The following PCDH8 variants were observed in gnomAD, a reference collection of about 807,000 sequenced individuals.
PCDH8 encodes protocadherin-8.
In PCDH8, 36 loss-of-function variants were observed where a neutral mutation model predicts 58.2. That is an observed-to-expected ratio of 0.62 (90% CI 0.47 to 0.82). PCDH8 has a LOEUF of 0.82. Ranked by LOEUF, PCDH8 falls within the 40% of genes least tolerant of loss-of-function variation. The probability of loss-of-function intolerance (pLI) is 0.00; values close to 1 mark genes in which losing one functional copy is unlikely to be tolerated. For missense variants in PCDH8, 1,493 were observed against 1,567.8 expected (o/e 0.95, Z 0.81); for synonymous variants, 775 against 728.9 (o/e 1.06, Z -1.02).
In PCDH8 at chr13:52,844,158, TA is replaced by T; in HGVS notation, c.*401del. On this transcript the variant is annotated 3_prime_UTR_variant, in exon 3 of 3. Coordinates refer to ENST00000377942, the MANE Select transcript of PCDH8 (RefSeq NM_002590.4). ...TTTCAGGTGAAAGATAAATTTCAAT[TA>T]AGTAATTCCAACATGTTTTGTTTTT... is the stretch of plus-strand genomic sequence containing the variant. 6.5e-6 allele frequency: 1 copy of T among 153,424 alleles called. No individual in the cohort carries two copies. Among genetic ancestry groups the T allele is most frequent in the East Asian group, 1.9e-4 (1 of 5,212 alleles). 9.5% of individuals were successfully genotyped at this position (153,424 alleles called of 1,614,324 possible). A position where few individuals can be genotyped will look rare whatever the true frequency, so the allele number is the denominator to read the frequency against.
chr13:52,845,729 C>T, intron 1 of PCDH8, 77 bp downstream of exon 1: 2 of 1,520,332 alleles, frequency 1.3e-6, no homozygotes, highest in Non-Finnish European at 1.8e-6. Context: ...ATGCACCCAC[C>T]CTACCCCTCC....
Position 52,847,811 on chromosome 13 carries a change from G to C in PCDH8, c.626C>G (p.Ala209Gly). The C allele has an allele frequency of 6.7e-7, 1 of 1,485,766 alleles. No individual in the cohort carries two copies. Among genetic ancestry groups the C allele is most frequent in the East Asian group, 2.5e-5 (1 of 39,504 alleles). 92.0% of individuals were successfully genotyped at this position (1,485,766 alleles called of 1,614,324 possible). A position where few individuals can be genotyped will look rare whatever the true frequency, so the allele number is the denominator to read the frequency against. The change falls in exon 1 of 3, where the codon GCC (alanine) becomes GGC (glycine). Residue 209 changes from alanine (A) to glycine (G), a missense_variant. Coordinates refer to ENST00000377942, the MANE Select transcript of PCDH8 (RefSeq NM_002590.4). ...GGCCACCAGCTCCAGGCTGTAGGCG[G>C]CCTGGCTCTCGCGGTCCAGCTCCTG... Reference protein sequence around the residue: ...LLQELDRESQAAYSLELVAQD... With the variant: ...LLQELDRESQGAYSLELVAQD...
Position 52,844,892 on chromosome 13 carries a change from A to G in PCDH8, c.2881T>C (p.Ser961Pro), listed in dbSNP as rs1489861744. 1 of 1,570,058 alleles carries G rather than the reference A, an allele frequency of 6.4e-7. No homozygotes were observed. The highest frequency in any genetic ancestry group is 1.3e-5 in the African/African-American group (1 of 74,098). ...CTAECKILGH[S>P]DRCWSPSCSG... ...CAGGATGGGCTCCAGCAGCGGTCAG[A>G]GTGGCCCAGGATCTTACACTCAGCG... is the stretch of plus-strand genomic sequence containing the variant. Residue 961 changes from serine (S) to proline (P), a missense_variant, in exon 3 of 3, where the codon TCT (serine) becomes CCT (proline). Ser to Pro is a moderately conservative substitution (Grantham distance 74). Transcript: ENST00000377942.
chr13:52,846,085 C>G lies in PCDH8; in HGVS notation c.2352G>C (p.Gly784=). 1.3e-6 allele frequency: 2 copies of G among 1,571,318 alleles called. No homozygotes were observed. The highest frequency in any genetic ancestry group is 1.7e-6 in the Non-Finnish European group (2 of 1,167,392). ...CNRRKKEVRK[G]GALREERPGA... ...CGGGCCGCTCTTCCCGGAGGGCCCC[C>G]CCTTTGCGCACCTCCTTCTTGCGGC... Residue 784 remains glycine, a synonymous_variant, in exon 1 of 3, where the codon GGG becomes GGC. Coordinates refer to ENST00000377942, the MANE Select transcript of PCDH8 (RefSeq NM_002590.4).
In PCDH8 at chr13:52,846,273, C is replaced by A; in HGVS notation, c.2164G>T (p.Ala722Ser). ...AGGGRGPAAP[A>S]SAGSPERSRP... ...GAACGCTCCGGGCTTCCTGCACTGG[C>A]AGGCGCAGCCGGCCCACGCCCGCCC... The change falls in exon 1 of 3, where the codon GCC becomes TCC. Residue 722 changes from alanine (A) to serine (S), a missense_variant. Physicochemically the swap from Ala to Ser is moderately conservative, Grantham distance 99 (BLOSUM62 1). Around this residue, in one of 3 missense-constraint regions of PCDH8, gnomAD observed 1,307 missense variants for 1,362.7 expected, o/e 0.96. Coordinates refer to ENST00000377942, the MANE Select transcript of PCDH8 (RefSeq NM_002590.4). 6.3e-7 allele frequency: 1 copy of A among 1,578,224 alleles called. No individual in the cohort carries two copies. The highest frequency in any genetic ancestry group is 8.6e-7 in the Non-Finnish European group (1 of 1,168,096).
rs984931630 is a variant in PCDH8, at chr13:52,848,274, T to A, written c.163A>T (p.Met55Leu). The change falls in exon 1 of 3, where the codon ATG (methionine) becomes TTG (leucine). Residue 55 changes from methionine to leucine, a missense_variant. Met to Leu is a conservative substitution (Grantham distance 15, BLOSUM62 2). Around this residue, in one of 3 missense-constraint regions of PCDH8, gnomAD observed 1,307 missense variants for 1,362.7 expected, o/e 0.96. Coordinates refer to ENST00000377942, the MANE Select transcript of PCDH8 (RefSeq NM_002590.4). ...VIGTLAEDLHMKVSGDTSFRL... is the reference protein window; with the variant it reads ...VIGTLAEDLHLKVSGDTSFRL... Reference sequence around the variant, plus strand: ...AAGCTTGTGTCACCCGATACTTTCATATGCAGGTCCTCGGCCAGGGTCCCG... The same window carrying A: ...AAGCTTGTGTCACCCGATACTTTCAAATGCAGGTCCTCGGCCAGGGTCCCG... The A allele has an allele frequency of 6.2e-7, 1 of 1,613,530 alleles. No individual in the cohort carries two copies.
At position 52,845,453 on chromosome 13, in the gene PCDH8, T is replaced by C. The variant is rs766082374; in HGVS notation, c.2811A>G (p.Lys937=). The C allele has an allele frequency of 1.2e-6, 2 of 1,614,186 alleles. No homozygotes were observed. Among genetic ancestry groups the C allele is most frequent in the Non-Finnish European group, 1.7e-6 (2 of 1,180,032 alleles). Residue 937 remains lysine, a synonymous_variant, in exon 2 of 3, where the codon AAA becomes AAG. Transcript: ENST00000377942. ...SDSDISGDAL[K]KDLINHMQSG... ...TCTGCATGTGGTTGATGAGATCCTTTTTCAGAGCGTCCCCGCTGATGTCGG... is the reference window on the plus strand; with the variant it reads ...TCTGCATGTGGTTGATGAGATCCTTCTTCAGAGCGTCCCCGCTGATGTCGG...
Position 52,846,331 on chromosome 13 carries a change from G to A in PCDH8, c.2106C>T (p.Thr702=). ...TTACCACGAAGCTGACAGTTGCGGT[G>A]GTGGTGAGCGGGGGACGGCCGCCGT... ...ISDGGRPPLT[T]TATVSFVVTA... The change falls in exon 1 of 3, where the codon ACC becomes ACT. Residue 702 remains threonine (T), a synonymous_variant. Coordinates refer to ENST00000377942, the MANE Select transcript of PCDH8 (RefSeq NM_002590.4). 2 of 1,566,894 alleles carry A rather than the reference G, an allele frequency of 1.3e-6. No individual in the cohort carries two copies. The highest frequency in any genetic ancestry group is 1.7e-6 in the Non-Finnish European group (2 of 1,157,806).
rs762907272 is a variant in PCDH8, at chr13:52,846,118, G to A, written c.2319C>T (p.Thr773=). Residue 773 remains threonine, a synonymous_variant, in exon 1 of 3, where the codon ACC becomes ACT. Coordinates refer to ENST00000377942, the MANE Select transcript of PCDH8 (RefSeq NM_002590.4). ...GCACCTCCTTCTTGCGGCGGTTGCAGGTGGTGGCGATGGCGATGATGGCGG... is the reference window on the plus strand; with the variant it reads ...GCACCTCCTTCTTGCGGCGGTTGCAAGTGGTGGCGATGGCGATGATGGCGG... ...LLAAIIAIAT[T]CNRRKKEVRK... 2 of 1,582,704 alleles carry A rather than the reference G, an allele frequency of 1.3e-6. No individual in the cohort carries two copies. Among genetic ancestry groups the A allele is most frequent in the Non-Finnish European group, 1.7e-6 (2 of 1,171,724 alleles).
rs913237920 is a variant in PCDH8 at position 52,843,055 on chromosome 13, T to C, written c.*1505A>G. Reference sequence around the variant, plus strand: ...TACTTCCCATATCCTGGGGGTAGTTTGCTGATTAAATGAGATAATTCATGC... The same window carrying C: ...TACTTCCCATATCCTGGGGGTAGTTCGCTGATTAAATGAGATAATTCATGC... On this transcript the variant is annotated 3_prime_UTR_variant, in exon 3 of 3. Transcript: ENST00000377942. The C allele has an allele frequency of 4.6e-5, 7 of 152,336 alleles. No individual in the cohort carries two copies. In the South Asian group the frequency reaches 1.5e-3, roughly 32 times the overall value. The allele number at this position is 152,336 out of a possible 1,614,324, so 9.4% of individuals were successfully genotyped here.
In PCDH8 at chr13:52,846,301, T is replaced by G; in HGVS notation, c.2136A>C (p.Ala712=). ...GCGCAGCCGGCCCACGCCCGCCCCC[T>G]GCTGTTACCACGAAGCTGACAGTTG... is the stretch of plus-strand genomic sequence containing the variant. The part of the protein sequence containing the change: ...TTATVSFVVT[A]GGGRGPAAPA... Residue 712 remains alanine, a synonymous_variant, in exon 1 of 3, where the codon GCA becomes GCC. Coordinates refer to ENST00000377942, the MANE Select transcript of PCDH8 (RefSeq NM_002590.4). 8 of 1,573,208 alleles carry G rather than the reference T, an allele frequency of 5.1e-6. No homozygotes were observed. The highest frequency in any genetic ancestry group is 6.9e-6 in the Non-Finnish European group (8 of 1,163,482).
chr13:52,846,009 G>C lies in PCDH8; in HGVS notation c.2428C>G (p.Arg810Gly), dbSNP rs976427422. The change falls in exon 1 of 3, where the codon CGG (arginine) becomes GGG (glycine). Residue 810 changes from arginine (R) to glycine (G), a missense_variant. By Grantham distance (125) the Arg-to-Gly change is moderately radical. Coordinates refer to ENST00000377942, the MANE Select transcript of PCDH8 (RefSeq NM_002590.4). ...SAPGSPEEAA[R>G]GAGPRPNMFD... ...ATGTTGGGCCTGGGCCCGGCTCCCC[G>C]GGCGGCCTCCTCCGGGGAGCCGGGA... The C allele has an allele frequency of 2.7e-6, 4 of 1,475,170 alleles. No homozygotes were observed. In the African/African-American group the frequency reaches 4.4e-5, roughly 16 times the overall value. The allele number at this position is 1,475,170 out of a possible 1,614,324, so 91.4% of individuals were successfully genotyped here.
In PCDH8 at chr13:52,843,994, T is replaced by G. The variant is rs1240168214; in HGVS notation, c.*566A>C. ...GCAGATTCTTCAAACACATGACAAA[T>G]CTTTTATTACTGTGCTTATAAGTGA... On this transcript the variant is annotated 3_prime_UTR_variant, in exon 3 of 3. Coordinates refer to ENST00000377942, the MANE Select transcript of PCDH8 (RefSeq NM_002590.4). 1 of 152,610 alleles carries G rather than the reference T, an allele frequency of 6.6e-6. No individual in the cohort carries two copies. The highest frequency in any genetic ancestry group is 6.5e-5 in the Admixed American group (1 of 15,280). 9.5% of individuals were successfully genotyped at this position (152,610 alleles called of 1,614,324 possible).
Position 52,846,884 on chromosome 13 carries a change from G to A in PCDH8, c.1553C>T (p.Thr518Met), listed in dbSNP as rs1434424918. 19 of 1,561,236 alleles carry A rather than the reference G, an allele frequency of 1.2e-5. No homozygotes were observed. Among genetic ancestry groups the A allele is most frequent in the African/African-American group, 2.7e-5 (2 of 73,674 alleles). ...ENNPPGAYLA[T>M]VAARDRDLGR... ...CAGGTCCCGGTCGCGGGCGGCCACC[G>A]TGGCCAGGTAGGCGCCTGGCGGGTT... The change falls in exon 1 of 3, where the codon ACG becomes ATG. Residue 518 changes from threonine to methionine, a missense_variant. Transcript: ENST00000377942.
chr13:52,847,641 G>C lies in PCDH8; in HGVS notation c.796C>G (p.Leu266Val). The change falls in exon 1 of 3, where the codon CTC becomes GTC. Residue 266 changes from leucine to valine, a missense_variant. By Grantham distance (32) the Leu-to-Val change is conservative. Coordinates refer to ENST00000377942, the MANE Select transcript of PCDH8 (RefSeq NM_002590.4). ...TCGGGGTCGGCTGCGTCCAGGTCGA[G>C]AAGCAGGGAGCCCACGGGCGCGTCT... The part of the protein sequence containing the change: ...AEDAPVGSLL[L>V]DLDAADPDEG... 8 of 1,575,332 alleles carry C rather than the reference G, an allele frequency of 5.1e-6. No homozygotes were observed. The highest frequency in any genetic ancestry group is 6.8e-6 in the Non-Finnish European group (8 of 1,169,724).
chr13:52,844,896 G>T lies in PCDH8; in HGVS notation c.2877C>A (p.Gly959=), dbSNP rs1227771102. 1 of 1,559,252 alleles carries T rather than the reference G, an allele frequency of 6.4e-7. No homozygotes were observed. The stretch of plus-strand genomic sequence containing the variant: ...ATGGGCTCCAGCAGCGGTCAGAGTG[G>T]CCCAGGATCTTACACTCAGCGGTGC... ...WACTAECKIL[G]HSDRCWSPSC... Residue 959 remains glycine (G), a synonymous_variant, in exon 3 of 3, where the codon GGC becomes GGA. Transcript: ENST00000377942.
rs376417331 is a variant in PCDH8, at chr13:52,846,898, G to C, written c.1539C>G (p.Gly513=). ...GGGCGGCCACCGTGGCCAGGTAGGC[G>C]CCTGGCGGGTTGTTCTCGCGCACCG... is the stretch of plus-strand genomic sequence containing the variant. ...EVSVRENNPP[G]AYLATVAARD... Residue 513 remains glycine (G), a synonymous_variant, in exon 1 of 3, where the codon GGC becomes GGG. Coordinates refer to ENST00000377942, the MANE Select transcript of PCDH8 (RefSeq NM_002590.4). The C allele has an allele frequency of 1.0e-5, 16 of 1,574,256 alleles. No individual in the cohort carries two copies. The South Asian group carries it at 1.1e-4, about 11-fold the overall frequency.
chr13:52,848,360 A>G lies in PCDH8; in HGVS notation c.77T>C (p.Val26Ala), dbSNP rs1216013500. The change falls in exon 1 of 3, where the codon GTG becomes GCG. Residue 26 changes from valine to alanine, a missense_variant. This residue lies in a region of PCDH8 where 1,307 missense variants were observed against 1,362.7 expected (regional missense o/e 0.96). Transcript: ENST00000377942. The part of the protein sequence containing the change: ...QLFSLCWVLS[V>A]AQSKTVRYST... ...GTATCGGACTGTTTTGCTCTGGGCC[A>G]CTGAGAGCACCCAGCAGAGGCTGAA... 6.2e-7 allele frequency: 1 copy of G among 1,612,714 alleles called. No individual in the cohort carries two copies.
rs201885126 is a variant in PCDH8 at position 52,844,805 on chromosome 13, T to C, written c.2968A>G (p.Ser990Gly). The change falls in exon 3 of 3, where the codon AGC becomes GGC. Residue 990 changes from serine to glycine, a missense_variant. Transcript: ENST00000377942. ...AGAGGATCCCGAGGCAGTGACGTGC[T>C]CTTACAGAAGGTTGACATCTGGGCT... ...PPAQMSTFCK[S>G]TSLPRDPLRR... 2.1e-4 allele frequency: 342 copies of C among 1,613,052 alleles called. No homozygotes were observed. Among genetic ancestry groups the C allele is most frequent in the Non-Finnish European group, 2.6e-4 (305 of 1,179,604 alleles).
Sources: gnomAD v4.1 joint callset for allele counts on GRCh38, gnomAD v4.1.1 for gene constraint, gnomAD v4.1.1 regional missense constraint, MANE v1.5 for transcripts, NCBI Gene and HGNC (gene_info 2026-07-23, HGNC 2026-07-21) for gene names.